Variants in ANXA4 observed in about 807,000 individuals in gnomAD.
ANXA4 encodes the protein annexin A4.
A neutral mutation model predicts 49.8 loss-of-function variants in ANXA4; 39 were observed. The observed-to-expected ratio is 0.78, with a 90% CI of 0.61 to 1.02. The LOEUF (loss-of-function observed/expected upper bound fraction) is 1.02, where lower values mean the gene tolerates loss of function less well. ANXA4 is among the 50% of genes least tolerant of loss of function. The pLI is 0.00. For synonymous variants in ANXA4, 134 were observed against 152.5 expected, an observed-to-expected ratio of 0.88 and a Z score of 0.89; for missense variants, 360 against 410.1, an observed-to-expected ratio of 0.88 and a Z score of 1.05.
intron 5 of ANXA4, 50 bp from the exon 6 acceptor site, chr2:69,807,856 C>T (rs751576696): frequency 5.9e-5 from 89 of 1,513,618 alleles, no homozygotes; most frequent in Non-Finnish European, 7.9e-5. Flanking sequence ...GTCTGGGCCT[C>T]AGCTTTGTAA....
chr2:69,669,087 C>T (rs1369717239), intron 2 of ANXA4, among the ~76,000 whole-genome samples: 2 of 151,578 alleles, frequency 1.3e-5, no homozygotes, highest in African/African-American at 2.4e-5. Flanking sequence ...CAGGTGTGTG[C>T]CACCACGCCG....
chr2:69,671,822 G>C (rs537025069), intron 2 of ANXA4, among the ~76,000 whole-genome samples: 6 of 152,268 alleles, frequency 3.9e-5, no homozygotes, highest in Non-Finnish European at 7.4e-5. Context: ...CCAATCCTTG[G>C]TAAGGCATGC....
intron 2 of ANXA4, among the ~76,000 whole-genome samples, chr2:69,680,659 T>C (rs1244722273): frequency 1.3e-5 from 2 of 152,164 alleles, no homozygotes; most frequent in Non-Finnish European, 2.9e-5. Context: ...TGGCCTTTAG[T>C]ATGTTGAGGT....
intron 4 of ANXA4, among the ~76,000 whole-genome samples, chr2:69,805,248 CA>C (rs897176104): frequency 4.6e-5 from 7 of 151,954 alleles, no homozygotes; most frequent in African/African-American, 1.7e-4. Flanking sequence ...CATGAATGAT[CA>C]CAAAGATACA....
intron 3 of ANXA4, among the ~76,000 whole-genome samples, chr2:69,734,745 G>C (rs1454671258): frequency 6.6e-6 from 1 of 150,992 alleles, no homozygotes; most frequent in African/African-American, 2.5e-5. Flanking sequence ...TTCCAGCCGG[G>C]TGCAGTGGCT....
intron 3 of ANXA4, among the ~76,000 whole-genome samples, chr2:69,794,663 C>T (rs1251073550): frequency 1.3e-5 from 2 of 152,014 alleles, no homozygotes; most frequent in Non-Finnish European, 2.9e-5. Flanking sequence ...TCCGAGTTCA[C>T]GCCATTCTCT....
chr2:69,658,556 C>A (rs770787171), intron 2 of ANXA4, among the ~76,000 whole-genome samples: 17 of 152,090 alleles, frequency 1.1e-4, no homozygotes, highest in Non-Finnish European at 1.8e-4. Context: ...CTTAGAGGTA[C>A]CTTGTTTAAC....
At chr2:69,800,670 T>C (rs12474858) in intron 3 of ANXA4, among the ~76,000 whole-genome samples, 40,474 of 152,040 alleles carry the variant, frequency 0.27, 5,861 homozygotes, top group Admixed American at 0.45. Flanking sequence ...GATGATTGAG[T>C]TTCTGTAAAC....
At chr2:69,712,515 G>A (rs1678708868) in intron 2 of ANXA4, among the ~76,000 whole-genome samples, 2 of 152,174 alleles carry the variant, frequency 1.3e-5, no homozygotes, top group Admixed American at 1.3e-4. Flanking sequence ...TTCAGCCTAG[G>A]GGAGACAACC....
intron 1 of ANXA4, among the ~76,000 whole-genome samples, chr2:69,769,520 G>C (rs1345163692): frequency 6.6e-6 from 1 of 152,172 alleles, no homozygotes; most frequent in Non-Finnish European, 1.5e-5. Context: ...GAGTAGATAA[G>C]ATAACATGGA....
In ANXA4 at chr2:69,723,717, T is replaced by C. The variant is rs145598532; in HGVS notation, n.864+2846T>C. Among the ~76,000 whole-genome samples the C allele has an allele frequency of 9.9e-3, 1,508 of 152,312 alleles. 22 individuals are homozygous for C. The highest frequency in any genetic ancestry group is 0.033 in the African/African-American group (1,361 of 41,568). On this transcript the variant is annotated intron_variant and non_coding_transcript_variant, in intron 3 of 3. Transcript: ENST00000418066. ...AGCTGTGTGATGCTATTTTATTTTGTTTTCTTTCTTCTAATAGAGACAGGG... is the reference window on the plus strand; with the variant it reads ...AGCTGTGTGATGCTATTTTATTTTGCTTTCTTTCTTCTAATAGAGACAGGG...
At chr2:69,701,130 C>T (rs1678317406) in intron 2 of ANXA4, among the ~76,000 whole-genome samples, 1 of 152,184 alleles carries the variant, frequency 6.6e-6, no homozygotes, top group Non-Finnish European at 1.5e-5. Context: ...CCAACTCAGC[C>T]TCCCAAATTG....
chr2:69,701,212 AT>A (rs1198424182), intron 2 of ANXA4, among the ~76,000 whole-genome samples: 9 of 152,030 alleles, frequency 5.9e-5, no homozygotes, highest in Non-Finnish European at 8.8e-5. Flanking sequence ...ACACCTAAAA[AT>A]TACTATCTTA....
At chr2:69,767,982 A>T (rs1259880379) in intron 1 of ANXA4, among the ~76,000 whole-genome samples, 1 of 151,974 alleles carries the variant, frequency 6.6e-6, no homozygotes, top group Non-Finnish European at 1.5e-5. Context: ...ATATGTACAC[A>T]TATATAATAT....
chr2:69,818,390 A>G (rs115701587), intron 9 of ANXA4: 1 of 345,688 alleles, frequency 2.9e-6, no homozygotes, highest in Non-Finnish European at 5.4e-6. Context: ...GATGTCCTCC[A>G]AACATCACAG....
At chr2:69,822,908 A>T (rs1674304596) in intron 12 of ANXA4, among the ~76,000 whole-genome samples, 1 of 151,766 alleles carries the variant, frequency 6.6e-6, no homozygotes, top group Non-Finnish European at 1.5e-5. Context: ...ATGACAAATT[A>T]TATATATATA....
At chr2:69,674,588 G>A (rs1284212330) in intron 2 of ANXA4, among the ~76,000 whole-genome samples, 2 of 152,156 alleles carry the variant, frequency 1.3e-5, no homozygotes, top group Admixed American at 1.3e-4. Context: ...TGTACCTAAT[G>A]TATAGAAATA....
chr2:69,773,232 C>T (rs1332520512), intron 1 of ANXA4, among the ~76,000 whole-genome samples: 1 of 152,088 alleles, frequency 6.6e-6, no homozygotes, highest in Non-Finnish European at 1.5e-5. Flanking sequence ...TCAGTATTTC[C>T]AGAAGGCTTT....
At chr2:69,707,847 C>G (rs1403726869) in intron 2 of ANXA4, among the ~76,000 whole-genome samples, 1 of 152,136 alleles carries the variant, frequency 6.6e-6, no homozygotes, top group African/African-American at 2.4e-5. Context: ...TTTTTGTACC[C>G]ATTAACCATC....
Sources: allele counts gnomAD v4.1 joint callset (sites outside exome capture counted in the v4.1 genomes callset), GRCh38; gene constraint gnomAD v4.1.1; transcripts MANE v1.5; gene names NCBI Gene and HGNC (gene_info 2026-07-23, HGNC 2026-07-21).